TANC1: variants seen among roughly 807,000 people sequenced by gnomAD.
TANC1 encodes tetratricopeptide repeat, ankyrin repeat and coiled-coil containing 1.
Under a neutral mutation model 149.7 loss-of-function variants are expected in TANC1, and 77 were observed. That is an observed-to-expected ratio of 0.51 (90% confidence interval 0.43 to 0.62). The LOEUF is 0.62. Ranked by LOEUF, TANC1 falls within the 20% of genes least tolerant of loss-of-function variation. The pLI is 0.00. For missense variants in TANC1, 1,985 were observed against 2,321.8 expected, an observed-to-expected ratio of 0.85 and a Z score of 2.98; for synonymous variants, 854 against 925.0, an observed-to-expected ratio of 0.92 and a Z score of 1.39.
At chr2:158,986,085 G>A (rs149501953) in intron 1 of TANC1, among the ~76,000 whole-genome samples, 15 of 152,164 alleles carry the variant, frequency 9.9e-5, no homozygotes, top group African/African-American at 3.6e-4. Flanking sequence ...TTGGTGACGT[G>A]GAACTTTTGC....
chr2:159,124,710 A>T (rs2049211993), intron 4 of TANC1, among the ~76,000 whole-genome samples: 1 of 151,724 alleles, frequency 6.6e-6, no homozygotes, highest in Non-Finnish European at 1.5e-5. Context: ...TATTTTCTTA[A>T]CCATTCCTAC....
chr2:159,214,124 C>CAA (rs33996292), intron 19 of TANC1, among the ~76,000 whole-genome samples: 3 of 100,904 alleles, frequency 3.0e-5, no homozygotes, highest in African/African-American at 8.3e-5. Context: ...GATCCTGTCT[C>CAA]AAAAAAAAAA....
At chr2:158,995,996 G>T (rs1314486351) in intron 1 of TANC1, among the ~76,000 whole-genome samples, 1 of 152,106 alleles carries the variant, frequency 6.6e-6, no homozygotes, top group South Asian at 2.1e-4. Flanking sequence ...TCTCTGTAAG[G>T]TTTTCCACAC....
chr2:159,173,914 C>G (rs562348179), intron 11 of TANC1, among the ~76,000 whole-genome samples: 1 of 152,216 alleles, frequency 6.6e-6, no homozygotes, highest in Non-Finnish European at 1.5e-5. Context: ...GACTTGGGAT[C>G]TAATCCCACA....
chr2:159,157,399 G>A (rs1288019518), intron 7 of TANC1, among the ~76,000 whole-genome samples: 3 of 152,156 alleles, frequency 2.0e-5, no homozygotes, highest in Non-Finnish European at 4.4e-5. Flanking sequence ...AAGTCAGGCC[G>A]GTTTCATTGT....
intron 2 of TANC1, among the ~76,000 whole-genome samples, chr2:159,048,541 T>A (rs752092860): frequency 1.1e-4 from 17 of 152,222 alleles, no homozygotes; most frequent in Non-Finnish European, 2.2e-4. Context: ...ATTGTGGGAA[T>A]TGATCATTTG....
chr2:159,173,433 C>T (rs760335210), intron 11 of TANC1, among the ~76,000 whole-genome samples: 50 of 152,018 alleles, frequency 3.3e-4, no homozygotes, highest in Non-Finnish European at 6.2e-4. Context: ...ATTGAAACCT[C>T]GTCTCTACTA....
intron 7 of TANC1, among the ~76,000 whole-genome samples, chr2:159,158,496 C>T (rs2053667823): frequency 6.6e-6 from 1 of 152,158 alleles, no homozygotes; most frequent in South Asian, 2.1e-4. Context: ...TGAAGCCTGG[C>T]ATATAGTAAA....
At chr2:159,090,675 G>A (rs952109244) in intron 3 of TANC1, among the ~76,000 whole-genome samples, 3 of 152,174 alleles carry the variant, frequency 2.0e-5, no homozygotes, top group Non-Finnish European at 4.4e-5. Context: ...GCAGATTGAC[G>A]GTGAATCCTG....
rs368367462 is a variant in TANC1 at position 159,084,791 on chromosome 2, G to A, written c.62-12846G>A. Among the ~76,000 whole-genome samples the A allele has an allele frequency of 2.0e-5, 3 of 152,188 alleles. No homozygotes were observed. In the South Asian group the frequency reaches 6.2e-4, roughly 32 times the overall value. On this transcript the variant is annotated intron_variant, in intron 3 of 26. Coordinates refer to ENST00000263635, the MANE Select transcript of TANC1 (RefSeq NM_033394.3). ...TAAGTCAGACTTTCTTTAGCACCAAGCAATGCTCCATGCTCAGTATACACC... is the reference window on the plus strand; with the variant it reads ...TAAGTCAGACTTTCTTTAGCACCAAACAATGCTCCATGCTCAGTATACACC...
Position 159,230,282 on chromosome 2 carries a change from C to T in TANC1, c.4856C>T (p.Pro1619Leu), listed in dbSNP as rs199782578. 1.9e-6 allele frequency: 3 copies of T among 1,614,076 alleles called. No individual in the cohort carries two copies. Among genetic ancestry groups the T allele is most frequent in the Non-Finnish European group, 2.5e-6 (3 of 1,180,050 alleles). ...TGTGGTGAGAATGGCCCTGCACACC[C>T]TTTACCAAGTAAGACGAAAACCACA... ...LQCGENGPAH[P>L]LPSKTKTTER... Residue 1619 changes from proline (P) to leucine (L), a missense_variant, in exon 27 of 27, where the codon CCT (proline) becomes CTT (leucine). Pro to Leu is a moderately conservative substitution (Grantham distance 98). This residue lies in a region of TANC1 where 920 missense variants were observed against 994.7 expected (regional missense o/e 0.92). Coordinates refer to ENST00000263635, the MANE Select transcript of TANC1 (RefSeq NM_033394.3). The surrounding 1 kb of genome is among the most constrained non-coding windows in gnomAD (Gnocchi z 4.4).
intron 2 of TANC1, among the ~76,000 whole-genome samples, chr2:159,012,121 A>G (rs2037834347): frequency 6.6e-6 from 1 of 152,174 alleles, no homozygotes; most frequent in Non-Finnish European, 1.5e-5. Context: ...CCACCCCTGG[A>G]CCCCAATCAT....
chr2:159,068,570 A>G (rs568997554), intron 3 of TANC1, among the ~76,000 whole-genome samples: 1 of 152,190 alleles, frequency 6.6e-6, no homozygotes, highest in African/African-American at 2.4e-5. Context: ...GTATCCTTCA[A>G]TGGAAACCAA....
chr2:159,024,791 T>C, intron 2 of TANC1, among the ~76,000 whole-genome samples: 1 of 152,166 alleles, frequency 6.6e-6, no homozygotes, highest in South Asian at 2.1e-4. Flanking sequence ...TTAGATTATA[T>C]TTTTACTGTG....
At chr2:159,211,785 G>C (rs1437793272) in intron 19 of TANC1, among the ~76,000 whole-genome samples, 2 of 152,216 alleles carry the variant, frequency 1.3e-5, no homozygotes, top group Non-Finnish European at 2.9e-5. Flanking sequence ...TTGTAAACGA[G>C]AGCCTTGTCA....
chr2:159,140,231 AAAG>A (rs2051209681), intron 5 of TANC1, among the ~76,000 whole-genome samples: 1 of 152,132 alleles, frequency 6.6e-6, no homozygotes, highest in African/African-American at 2.4e-5. Flanking sequence ...CAAAAAAAAA[AAAG>A]TGAAAAAAAG....
At chr2:159,004,068 C>T (rs1464726557) in intron 2 of TANC1, 1 of 1,612,024 alleles carries the variant, frequency 6.2e-7, no homozygotes, top group Non-Finnish European at 8.5e-7. Context: ...TCCCAAAGTC[C>T]AAGCTTCCCT....
chr2:158,983,477 A>AAAAAAAAAAAAAAAAAAC (rs1559098764), intron 1 of TANC1, among the ~76,000 whole-genome samples: 1 of 151,090 alleles, frequency 6.6e-6, no homozygotes, highest in African/African-American at 2.4e-5. Context: ...CCAAAAAAAA[A>AAAAAAAAAAAAAAAAAAC]AAAAAAAAAA....
chr2:159,010,723 CT>C (rs35513612), intron 2 of TANC1, among the ~76,000 whole-genome samples: 1,480 of 131,996 alleles, frequency 0.011, 3 homozygotes, highest in African/African-American at 0.016. Flanking sequence ...GAATGAAAGG[CT>C]TTTTTTTTTT....
Sources: allele counts gnomAD v4.1 joint callset (sites outside exome capture counted in the v4.1 genomes callset), GRCh38; gene constraint gnomAD v4.1.1; regional missense constraint gnomAD v4.1.1; non-coding constraint Gnocchi (gnomAD v3.1); transcripts MANE v1.5; gene names NCBI Gene and HGNC (gene_info 2026-07-23, HGNC 2026-07-21).